Variants in CEP63 observed in about 807,000 individuals in gnomAD.
The protein encoded by CEP63 is centrosomal protein 63, also known as centrosomal protein of 63 kDa.
Under a neutral mutation model 89.1 loss-of-function variants are expected in CEP63, and 84 were observed. The ratio of observed to expected loss-of-function variants is 0.94; its 90% CI spans 0.79 to 1.13. CEP63 has a LOEUF of 1.13. CEP63 is among the 50% of genes most tolerant of loss of function. The probability of loss-of-function intolerance (pLI) is 0.00; values close to 1 mark genes in which losing one functional copy is unlikely to be tolerated. For synonymous variants in CEP63, 267 were observed against 272.5 expected (o/e 0.98, Z 0.20); for missense variants, 838 against 813.3 (o/e 1.03, Z -0.37).
chr3:134,504,706 G>C (rs1278745320), intron 2 of CEP63, among the ~76,000 whole-genome samples: 2 of 151,506 alleles, frequency 1.3e-5, no homozygotes, highest in African/African-American at 2.4e-5. Context: ...CTGTACCTAT[G>C]CCATCTTTTC....
At chr3:134,504,651 C>T (rs1167769549) in intron 2 of CEP63, among the ~76,000 whole-genome samples, 1 of 152,078 alleles carries the variant, frequency 6.6e-6, no homozygotes, top group Non-Finnish European at 1.5e-5. Flanking sequence ...ATATCTTTTG[C>T]AAGAATTGGG....
chr3:134,646,581 A>G, the CEP63 span, among the ~76,000 whole-genome samples: 1 of 152,210 alleles, frequency 6.6e-6, no homozygotes, highest in East Asian at 1.9e-4. Flanking sequence ...CACTTTTAGA[A>G]CTTCATCTTT....
At chr3:134,738,296 A>G in the CEP63 span, among the ~76,000 whole-genome samples, 1 of 145,358 alleles carries the variant, frequency 6.9e-6, no homozygotes, top group African/African-American at 2.5e-5. Context: ...ACACCACAAT[A>G]TCTTTATCCA....
chr3:134,663,872 G>T, the CEP63 span, among the ~76,000 whole-genome samples: 3 of 152,228 alleles, frequency 2.0e-5, no homozygotes, highest in Non-Finnish European at 4.4e-5. Flanking sequence ...CAGGAAGAGA[G>T]GAGGGAAATC....
At chr3:134,589,207 C>T (rs546410316), downstream of CEP63, among the ~76,000 whole-genome samples, 2 of 152,052 alleles carry the variant, frequency 1.3e-5, no homozygotes, top group South Asian at 4.2e-4. Context: ...TTTATAAGAC[C>T]AGCATAACCT....
At chr3:134,493,225 T>C (rs1938380079) in intron 1 of CEP63, among the ~76,000 whole-genome samples, 1 of 152,114 alleles carries the variant, frequency 6.6e-6, no homozygotes, top group Admixed American at 6.5e-5. Flanking sequence ...AATTGGCTGT[T>C]AGAACCCATG....
At chr3:134,750,634 G>C in the CEP63 span, among the ~76,000 whole-genome samples, 1 of 152,126 alleles carries the variant, frequency 6.6e-6, no homozygotes, top group East Asian at 1.9e-4. Flanking sequence ...ACAGGTGGGG[G>C]AAGCCAGCTC....
At chr3:134,691,367 C>T in the CEP63 span, among the ~76,000 whole-genome samples, 1 of 144,430 alleles carries the variant, frequency 6.9e-6, no homozygotes, top group African/African-American at 2.6e-5. Flanking sequence ...GTAATCCCAG[C>T]ACTTTAGGAA....
chr3:134,584,024 T>G (rs1293679425), intron 10 of CEP63, among the ~76,000 whole-genome samples: 3 of 152,162 alleles, frequency 2.0e-5, no homozygotes, highest in Admixed American at 6.5e-5. Flanking sequence ...GCACATTGAT[T>G]TTGTATCCTG....
At chr3:134,553,878 A>G (rs1212946956) in intron 12 of CEP63, among the ~76,000 whole-genome samples, 4 of 152,154 alleles carry the variant, frequency 2.6e-5, no homozygotes, top group African/African-American at 9.7e-5. Context: ...GCAAGTGTGC[A>G]TAAAATGGTC....
At chr3:134,567,199 G>T (rs1162098295), downstream of CEP63, among the ~76,000 whole-genome samples, 1 of 150,882 alleles carries the variant, frequency 6.6e-6, no homozygotes, top group East Asian at 1.9e-4. Context: ...TACATGAATT[G>T]CCCAGAATTG....
rs567833062 is a variant in CEP63 at position 134,540,210 on chromosome 3, C to T, written c.555+2942C>T. Reference sequence around the variant, plus strand: ...TAAGTGACAGGTACTATGCTAAGCACGTCACAGCTTTAAAATTTTTCCTTT... The same window carrying T: ...TAAGTGACAGGTACTATGCTAAGCATGTCACAGCTTTAAAATTTTTCCTTT... On this transcript the variant is annotated intron_variant, in intron 6 of 14. Coordinates refer to ENST00000675561, the MANE Select transcript of CEP63 (RefSeq NM_001353108.3). Among the ~76,000 whole-genome samples, 5 of 152,242 alleles carry T rather than the reference C, an allele frequency of 3.3e-5. No homozygotes were observed. The South Asian group carries it at 8.3e-4, about 25-fold the overall frequency.
the CEP63 span, among the ~76,000 whole-genome samples, chr3:134,668,650 G>C: frequency 6.6e-6 from 1 of 152,134 alleles, no homozygotes; most frequent in African/African-American, 2.4e-5. Context: ...TTCTGTCTGA[G>C]TGGTGTCCAG....
At position 134,564,515 on chromosome 3, in the gene CEP63, G is replaced by C. The variant is rs1158764694; in HGVS notation, c.*2980G>C. The C allele has an allele frequency of 1.0e-6, 1 of 985,296 alleles. No individual in the cohort carries two copies. The highest frequency in any genetic ancestry group is 1.2e-6 in the Non-Finnish European group (1 of 829,952). The allele number at this position is 985,296 out of a possible 1,614,324, so 61.0% of individuals were successfully genotyped here. A position where few individuals can be genotyped will look rare whatever the true frequency, so the allele number is the denominator to read the frequency against. ...TTCTGTCTTTCAGGGGCTAAGTCCT[G>C]CCTACATCCTCAGTCAGCATGCTGC... On this transcript the variant is annotated 3_prime_UTR_variant, in exon 15 of 15. Coordinates refer to ENST00000675561, the MANE Select transcript of CEP63 (RefSeq NM_001353108.3).
intron 10 of CEP63, among the ~76,000 whole-genome samples, chr3:134,584,967 T>TG (rs1958450710): frequency 6.8e-6 from 1 of 148,094 alleles, no homozygotes; most frequent in African/African-American, 2.5e-5. Flanking sequence ...TTTTTTTTTT[T>TG]TTTTTTTGCA....
At chr3:134,668,615 G>T in the CEP63 span, among the ~76,000 whole-genome samples, 21 of 152,284 alleles carry the variant, frequency 1.4e-4, no homozygotes, top group Admixed American at 3.9e-4. Flanking sequence ...TAGCAAAGCA[G>T]ATTTTCAGTA....
the CEP63 span, among the ~76,000 whole-genome samples, chr3:134,652,210 A>G: frequency 6.6e-6 from 1 of 152,156 alleles, no homozygotes; most frequent in Non-Finnish European, 1.5e-5. Flanking sequence ...TGTTGTGAGA[A>G]TGGCATGAAT....
chr3:134,533,793 T>G (rs1448583982), intron 5 of CEP63, among the ~76,000 whole-genome samples: 1 of 152,194 alleles, frequency 6.6e-6, no homozygotes, highest in East Asian at 1.9e-4. Flanking sequence ...GTGTGATCAC[T>G]TACAAGTTTG....
the CEP63 span, among the ~76,000 whole-genome samples, chr3:134,740,556 C>G: frequency 7.2e-5 from 11 of 152,116 alleles, no homozygotes; most frequent in Non-Finnish European, 2.9e-5. Flanking sequence ...CTTGGCCTCC[C>G]AAAGTGCTGG....
Sources: allele counts gnomAD v4.1 joint callset (sites outside exome capture counted in the v4.1 genomes callset), GRCh38; gene constraint gnomAD v4.1.1; transcripts MANE v1.5; gene names NCBI Gene and HGNC (gene_info 2026-07-23, HGNC 2026-07-21).